The following ZBBX variants were observed in gnomAD, a reference collection of about 807,000 sequenced individuals.
ZBBX encodes the protein zinc finger B-box domain containing.
A neutral mutation model predicts 108.5 loss-of-function variants in ZBBX; 101 were observed. That is an observed-to-expected ratio of 0.93 (90% CI 0.79 to 1.10). ZBBX has a LOEUF of 1.10. Ranked by LOEUF, ZBBX falls within the 50% of genes least tolerant of loss-of-function variation. ZBBX has a pLI of 0.00. For synonymous variants in ZBBX, 356 were observed against 323.4 expected (o/e 1.10, Z -1.08); for missense variants, 1,009 against 941.4 (o/e 1.07, Z -0.94).
At chr3:167,261,306 C>T (rs530006931) in intron 20 of ZBBX, among the ~76,000 whole-genome samples, 187 of 152,188 alleles carry the variant, frequency 1.2e-3, no homozygotes, top group Middle Eastern at 3.4e-3. Flanking sequence ...ACTGGTTGGC[C>T]TCCTGCCAGG....
chr3:167,227,895 G>A, the ZBBX span, among the ~76,000 whole-genome samples: 7 of 151,548 alleles, frequency 4.6e-5, no homozygotes, highest in East Asian at 1.9e-4. Context: ...AACAAGGCAC[G>A]GGCTCACCAT....
chr3:167,202,667 T>C, the ZBBX span, among the ~76,000 whole-genome samples: 1 of 152,102 alleles, frequency 6.6e-6, no homozygotes, highest in Non-Finnish European at 1.5e-5. Flanking sequence ...AATAGCTATG[T>C]TTTAAAACCC....
chr3:167,281,604 AC>A (rs1224385914), intron 20 of ZBBX, among the ~76,000 whole-genome samples: 1 of 152,206 alleles, frequency 6.6e-6, no homozygotes, highest in East Asian at 1.9e-4. Context: ...ATGTTTTGCT[AC>A]TGAGCCAGAC....
At chr3:167,391,806 G>A (rs1748090826) in intron 1 of ZBBX, among the ~76,000 whole-genome samples, 2 of 151,590 alleles carry the variant, frequency 1.3e-5, no homozygotes, top group African/African-American at 4.8e-5. Flanking sequence ...ACAAATATAT[G>A]CTGTATGTCT....
intron 4 of ZBBX, among the ~76,000 whole-genome samples, chr3:167,371,364 C>G (rs953318364): frequency 2.0e-5 from 3 of 152,146 alleles, no homozygotes; most frequent in African/African-American, 7.2e-5. Flanking sequence ...CCAATAACTA[C>G]CCAACTAACT....
chr3:167,277,427 A>G lies in ZBBX; in HGVS notation c.2254+4811T>C, dbSNP rs1446735381. On this transcript the variant is annotated intron_variant, in intron 20 of 21. Transcript: ENST00000675490. ...AGATCTACCAAGCAAATGGAAAACA[A>G]AAAAAGGCAGGGATTGCAATCCTAG... Among the ~76,000 whole-genome samples the G allele has an allele frequency of 1.9e-4, 29 of 152,266 alleles. 1 individual carries two copies. In the South Asian group the frequency reaches 6.0e-3, roughly 32 times the overall value.
chr3:167,196,916 C>T, the ZBBX span, among the ~76,000 whole-genome samples: 2 of 151,998 alleles, frequency 1.3e-5, no homozygotes, highest in African/African-American at 2.4e-5. Context: ...GAAATAGTAC[C>T]AAAATGAGAG....
intron 16 of ZBBX, 62 bp from the exon 17 acceptor site, chr3:167,306,012 T>A: frequency 3.1e-6 from 4 of 1,306,378 alleles, no homozygotes; most frequent in Non-Finnish European, 4.0e-6. Context: ...ATTAAACTGT[T>A]AATAAACCAA....
At chr3:167,321,421 A>T (rs555132813) in intron 12 of ZBBX, among the ~76,000 whole-genome samples, 6 of 152,148 alleles carry the variant, frequency 3.9e-5, no homozygotes, top group African/African-American at 1.4e-4. Context: ...TCTCTTCCAC[A>T]GATGGAATGG....
chr3:167,299,727 C>T (rs1009668642), intron 17 of ZBBX, among the ~76,000 whole-genome samples: 3 of 152,052 alleles, frequency 2.0e-5, no homozygotes, highest in South Asian at 2.1e-4. Context: ...ATTTTATACT[C>T]AATTTGGATG....
At chr3:167,380,658 A>AACG (rs1747644565), upstream of ZBBX, among the ~76,000 whole-genome samples, 1 of 152,138 alleles carries the variant, frequency 6.6e-6, no homozygotes, top group Non-Finnish European at 1.5e-5. Flanking sequence ...AAAGCTAGCA[A>AACG]ATGGCAGACC....
chr3:167,213,345 C>T, the ZBBX span, among the ~76,000 whole-genome samples: 1 of 152,060 alleles, frequency 6.6e-6, no homozygotes, highest in African/African-American at 2.4e-5. Flanking sequence ...AGAAAAAGAA[C>T]CTAATGGGGG....
the ZBBX span, among the ~76,000 whole-genome samples, chr3:167,224,982 C>A: frequency 5.9e-5 from 9 of 151,862 alleles, no homozygotes; most frequent in Non-Finnish European, 1.0e-4. Flanking sequence ...TGGCACCCCT[C>A]ACAATGTTTC....
chr3:167,237,819 C>A (rs139088394), downstream of ZBBX, among the ~76,000 whole-genome samples: 353 of 151,990 alleles, frequency 2.3e-3, 2 homozygotes, highest in Middle Eastern at 0.01. Context: ...AATTAATTAT[C>A]AGCTTAATAT....
chr3:167,360,975 G>A (rs575481271), intron 6 of ZBBX, among the ~76,000 whole-genome samples: 158 of 151,690 alleles, frequency 1.0e-3, no homozygotes, highest in Non-Finnish European at 1.7e-3. Context: ...AACATAATTT[G>A]GCTTTTAAAC....
Position 167,247,476 on chromosome 3 carries a change from C to A in ZBBX, c.2255-4833G>T, listed in dbSNP as rs530732017. On this transcript the variant is annotated intron_variant, in intron 20 of 21. Transcript: ENST00000675490. ...CTCATTCTCAAAGACCACGTGTGATCCAATTCTTCTGGGACACCAAGGCAA... is the reference window on the plus strand; with the variant it reads ...CTCATTCTCAAAGACCACGTGTGATACAATTCTTCTGGGACACCAAGGCAA... Among the ~76,000 whole-genome samples the A allele has an allele frequency of 2.0e-4, 31 of 152,296 alleles. No homozygotes were observed. The South Asian group carries it at 6.4e-3, about 32-fold the overall frequency.
chr3:167,305,632 TAGAG>T lies in ZBBX; in HGVS notation c.1725+7_1725+10del, dbSNP rs1733495318. 6.6e-7 allele frequency: 1 copy of T among 1,513,976 alleles called. No homozygotes were observed. The highest frequency in any genetic ancestry group is 1.4e-5 in the African/African-American group (1 of 71,256). 93.8% of individuals were successfully genotyped at this position (1,513,976 alleles called of 1,614,324 possible). On this transcript the variant is annotated splice_region_variant and intron_variant, in intron 17 of 21. Transcript: ENST00000675490. ...TAAAATTTTAATATAATAAACATAATAGAGATTTACCAGTGATGACTTTGTAGTT... is the reference window on the plus strand; with the variant it reads ...TAAAATTTTAATATAATAAACATAATATTTACCAGTGATGACTTTGTAGTT...
At chr3:167,222,222 CAAAA>C in the ZBBX span, among the ~76,000 whole-genome samples, 1 of 143,458 alleles carries the variant, frequency 7.0e-6, no homozygotes, top group African/African-American at 2.5e-5. Context: ...ACTATTTGGC[CAAAA>C]AAAAAAAAAA....
At chr3:167,332,180 C>G (rs1051605917) in intron 10 of ZBBX, among the ~76,000 whole-genome samples, 8 of 152,022 alleles carry the variant, frequency 5.3e-5, no homozygotes, top group Admixed American at 4.6e-4. Flanking sequence ...GAACACTAAG[C>G]CTATGAAGCG....
Sources: gnomAD v4.1 joint callset for allele counts (sites outside exome capture counted in the v4.1 genomes callset) on GRCh38, gnomAD v4.1.1 for gene constraint, MANE v1.5 for transcripts, NCBI Gene and HGNC (gene_info 2026-07-23, HGNC 2026-07-21) for gene names.